Variants in COL19A1 observed in about 807,000 individuals in gnomAD.
The protein encoded by COL19A1 is collagen type XIX alpha 1 chain.
COL19A1 carries 159 observed loss-of-function variants against 190.2 expected under a neutral mutation model. That is an observed-to-expected ratio of 0.84 (90% CI 0.73 to 0.95). The LOEUF is 0.95. Ranked by LOEUF, COL19A1 falls within the 40% of genes least tolerant of loss-of-function variation. The pLI is 0.00. For missense variants in COL19A1, 1,418 were observed against 1,431.9 expected, an observed-to-expected ratio of 0.99 and a Z score of 0.16; for synonymous variants, 509 against 458.9, an observed-to-expected ratio of 1.11 and a Z score of -1.39.
At chr6:70,097,100 A>G (rs1783323254) in intron 15 of COL19A1, among the ~76,000 whole-genome samples, 1 of 152,176 alleles carries the variant, frequency 6.6e-6, no homozygotes, top group South Asian at 2.1e-4. Flanking sequence ...ATAGTCTATT[A>G]TTTGTATTCT....
intron 14 of COL19A1, among the ~76,000 whole-genome samples, chr6:70,053,812 G>A (rs944436197): frequency 7.2e-5 from 11 of 152,020 alleles, no homozygotes; most frequent in African/African-American, 1.4e-4. Context: ...AATAAACAAT[G>A]CAACTACATT....
chr6:69,942,316 T>C (rs767239489), intron 9 of COL19A1, among the ~76,000 whole-genome samples: 3 of 152,186 alleles, frequency 2.0e-5, no homozygotes, highest in Non-Finnish European at 4.4e-5. Context: ...TCTGTACTAA[T>C]CAAATTGGGA....
chr6:69,898,547 A>G (rs1027879988), intron 2 of COL19A1, among the ~76,000 whole-genome samples: 7 of 152,102 alleles, frequency 4.6e-5, no homozygotes, highest in African/African-American at 1.7e-4. Flanking sequence ...TTAAAGTTTC[A>G]TATCAGCCAA....
chr6:70,004,924 C>T (rs954299089), intron 11 of COL19A1, among the ~76,000 whole-genome samples: 1 of 151,920 alleles, frequency 6.6e-6, no homozygotes, highest in Non-Finnish European at 1.5e-5. Flanking sequence ...GCTCTGCCCC[C>T]CGGGTTCATG....
intron 9 of COL19A1, among the ~76,000 whole-genome samples, chr6:69,939,956 A>G (rs1773367519): frequency 6.6e-6 from 1 of 152,268 alleles, no homozygotes; most frequent in South Asian, 2.1e-4. Flanking sequence ...ACACGTTCAC[A>G]TACACATTTC....
chr6:69,938,124 G>A, intron 9 of COL19A1, 24 bp downstream of exon 9: 1 of 1,603,950 alleles, frequency 6.2e-7, no homozygotes, highest in Non-Finnish European at 8.5e-7. Flanking sequence ...AAATACTGAT[G>A]GAGAAAACAG....
chr6:70,062,626 A>G (rs1264173854), intron 14 of COL19A1, among the ~76,000 whole-genome samples: 2 of 152,144 alleles, frequency 1.3e-5, no homozygotes, highest in Non-Finnish European at 2.9e-5. Flanking sequence ...ATTCACACGT[A>G]ACAATATTAA....
chr6:69,907,337 C>G (rs1770628026), intron 4 of COL19A1, among the ~76,000 whole-genome samples: 2 of 151,938 alleles, frequency 1.3e-5, no homozygotes. Context: ...ACCATGTCAG[C>G]CAGGCTGGTC....
intron 6 of COL19A1, among the ~76,000 whole-genome samples, chr6:69,931,370 TCTGA>T (rs1772749931): frequency 6.6e-6 from 1 of 152,196 alleles, no homozygotes; most frequent in Non-Finnish European, 1.5e-5. Context: ...CATAAACTAT[TCTGA>T]CTGTCATTTC....
chr6:70,203,909 GAGTGCAATGGC>G (rs1798114081), intron 49 of COL19A1, among the ~76,000 whole-genome samples: 2 of 151,838 alleles, frequency 1.3e-5, no homozygotes. Context: ...GCCTAGGCTG[GAGTGCAATGGC>G]CATAATCTTG....
At chr6:70,131,351 A>G (rs913706521) in intron 18 of COL19A1, 1 of 172,970 alleles carries the variant, frequency 5.8e-6, no homozygotes, top group Admixed American at 6.3e-5. Context: ...AATCAGTGCA[A>G]CCAATCCATT....
chr6:70,130,131 T>G (rs1785433238), intron 17 of COL19A1, 51 bp from the exon 18 acceptor site: 1 of 1,600,376 alleles, frequency 6.2e-7, no homozygotes. Context: ...TTGAATGTGT[T>G]AAAAATTAGC....
At chr6:69,960,731 A>G (rs1455707232) in intron 10 of COL19A1, among the ~76,000 whole-genome samples, 2 of 144,388 alleles carry the variant, frequency 1.4e-5, no homozygotes, top group East Asian at 2.1e-4. Flanking sequence ...CGTTCACGCC[A>G]TTCTCCTGCC....
At chr6:69,933,909 A>G (rs1176594784) in intron 7 of COL19A1, among the ~76,000 whole-genome samples, 1 of 151,932 alleles carries the variant, frequency 6.6e-6, no homozygotes, top group Non-Finnish European at 1.5e-5. Context: ...GACTGGTTCT[A>G]AAAAAAAGTA....
chr6:70,170,651 C>A (rs1765445066), intron 40 of COL19A1, among the ~76,000 whole-genome samples: 1 of 152,006 alleles, frequency 6.6e-6, no homozygotes, highest in Non-Finnish European at 1.5e-5. Flanking sequence ...CCTTTGTCAG[C>A]AACCTAGGGC....
At chr6:69,966,251 G>A (rs546872352) in intron 11 of COL19A1, among the ~76,000 whole-genome samples, 9 of 152,212 alleles carry the variant, frequency 5.9e-5, no homozygotes, top group African/African-American at 1.7e-4. Context: ...CTGCCCGGCC[G>A]CCACCCCGTC....
At chr6:69,884,837 C>T (rs932393133) in intron 2 of COL19A1, among the ~76,000 whole-genome samples, 1 of 150,506 alleles carries the variant, frequency 6.6e-6, no homozygotes, top group Non-Finnish European at 1.5e-5. Flanking sequence ...TATGATCTAG[C>T]TGCCTTCCTT....
rs536251462 is a variant in COL19A1 at position 70,149,978 on chromosome 6, A to G, written c.1984-14A>G. The G allele has an allele frequency of 2.2e-5, 36 of 1,613,646 alleles. 1 individual carries two copies. The South Asian group carries it at 3.2e-4, about 14-fold the overall frequency. On this transcript the variant is annotated splice_polypyrimidine_tract_variant and intron_variant, in intron 29 of 50. Coordinates refer to ENST00000620364, the MANE Select transcript of COL19A1 (RefSeq NM_001858.6). ...CCACGTGCAAAGATTGAACATGGAT[A>G]CCTCTGTTTTCAGGGAGTTCCAGGG...
chr6:70,064,446 T>G (rs1377246516), intron 14 of COL19A1, among the ~76,000 whole-genome samples: 2 of 152,148 alleles, frequency 1.3e-5, no homozygotes, highest in African/African-American at 4.8e-5. Flanking sequence ...AATTAGGTAT[T>G]GATGGGACGT....
Sources: gnomAD v4.1 joint callset for allele counts (sites outside exome capture counted in the v4.1 genomes callset) on GRCh38, gnomAD v4.1.1 for gene constraint, MANE v1.5 for transcripts, NCBI Gene and HGNC (gene_info 2026-07-23, HGNC 2026-07-21) for gene names.